Variants in ARHGAP10 observed in about 807,000 individuals in gnomAD.
ARHGAP10 encodes rho GTPase-activating protein 10.
A neutral mutation model predicts 108.6 loss-of-function variants in ARHGAP10; 87 were observed. The observed-to-expected ratio is 0.80, with a 90% CI of 0.67 to 0.96. The LOEUF (loss-of-function observed/expected upper bound fraction) is 0.96. ARHGAP10 is among the 40% of genes least tolerant of loss of function. The pLI is 0.00. For synonymous variants in ARHGAP10, 347 were observed against 341.1 expected (o/e 1.02, Z -0.19); for missense variants, 939 against 954.5 (o/e 0.98, Z 0.21).
intron 1 of ARHGAP10, among the ~76,000 whole-genome samples, chr4:147,741,012 A>G (rs1728633440): frequency 6.6e-6 from 1 of 152,168 alleles, no homozygotes; most frequent in Admixed American, 6.5e-5. Context: ...TAATGGTTTC[A>G]TCCTATACTT....
chr4:147,833,271 T>C (rs568604346), intron 3 of ARHGAP10, among the ~76,000 whole-genome samples: 1 of 152,274 alleles, frequency 6.6e-6, no homozygotes, highest in East Asian at 1.9e-4. Flanking sequence ...ATAGGGCCAG[T>C]TTTCCCCATG....
intron 20 of ARHGAP10, among the ~76,000 whole-genome samples, chr4:148,051,881 C>T (rs1025809279): frequency 2.6e-5 from 4 of 152,152 alleles, no homozygotes; most frequent in Admixed American, 2.6e-4. Flanking sequence ...CATTTTTATT[C>T]TCGTCAATGC....
chr4:148,043,680 G>T, intron 19 of ARHGAP10, among the ~76,000 whole-genome samples: 1 of 107,522 alleles, frequency 9.3e-6, no homozygotes, highest in Admixed American at 1.1e-4. Context: ...AGATATGTAA[G>T]TATATAGGAA....
intron 13 of ARHGAP10, among the ~76,000 whole-genome samples, chr4:147,924,569 C>T (rs1282560993): frequency 6.6e-6 from 1 of 152,132 alleles, no homozygotes; most frequent in African/African-American, 2.4e-5. Context: ...GTTTTTAGAA[C>T]AGAAGAAACT....
chr4:148,038,330 A>G (rs569352972), intron 19 of ARHGAP10, among the ~76,000 whole-genome samples: 2 of 152,302 alleles, frequency 1.3e-5, no homozygotes, highest in East Asian at 1.9e-4. Context: ...GGACATGACT[A>G]TCTCATGCTT....
chr4:148,012,924 G>T (rs1434110529), intron 18 of ARHGAP10, among the ~76,000 whole-genome samples: 27 of 138,948 alleles, frequency 1.9e-4, no homozygotes, highest in East Asian at 1.0e-3. Context: ...TATCTGTCTG[G>T]TTTTTTTTTT....
intron 13 of ARHGAP10, chr4:147,916,751 A>G (rs1234191489): frequency 6.6e-6 from 1 of 152,250 alleles, no homozygotes; most frequent in Non-Finnish European, 1.5e-5. Context: ...TCTACATGGT[A>G]TAGCTGCGGG....
rs116643026 is a variant in ARHGAP10 at position 148,010,110 on chromosome 4, T to A, written c.1717-13153T>A. Among the ~76,000 whole-genome samples the A allele has an allele frequency of 2.7e-3, 407 of 152,328 alleles. 1 individual carries two copies. The highest frequency in any genetic ancestry group is 9.4e-3 in the African/African-American group (392 of 41,562). ...TATGTTTTCCATTCCCCTCCACTTTTTTTTTGTCATGAGGTTGGAGGGAGA... is the reference window on the plus strand; with the variant it reads ...TATGTTTTCCATTCCCCTCCACTTTATTTTTGTCATGAGGTTGGAGGGAGA... On this transcript the variant is annotated intron_variant, in intron 18 of 22. Coordinates refer to ENST00000336498, the MANE Select transcript of ARHGAP10 (RefSeq NM_024605.4).
intron 3 of ARHGAP10, among the ~76,000 whole-genome samples, chr4:147,827,520 T>C (rs1190721775): frequency 6.6e-6 from 1 of 152,184 alleles, no homozygotes; most frequent in Non-Finnish European, 1.5e-5. Flanking sequence ...CTAGAGTTTG[T>C]GGGGTGGAGA....
chr4:147,896,572 C>A (rs1273198397), intron 10 of ARHGAP10, among the ~76,000 whole-genome samples: 1 of 151,894 alleles, frequency 6.6e-6, no homozygotes, highest in Non-Finnish European at 1.5e-5. Context: ...CTTGATAAGT[C>A]TTGCCTAGAG....
intron 1 of ARHGAP10, among the ~76,000 whole-genome samples, chr4:147,798,521 G>T (rs1731408171): frequency 6.6e-6 from 1 of 151,260 alleles, no homozygotes; most frequent in Non-Finnish European, 1.5e-5. Flanking sequence ...GACCAGCCTG[G>T]CCAACATGAT....
chr4:147,786,211 T>C (rs1730883157), intron 1 of ARHGAP10, among the ~76,000 whole-genome samples: 1 of 152,180 alleles, frequency 6.6e-6, no homozygotes, highest in Non-Finnish European at 1.5e-5. Flanking sequence ...CTGGAGAGCC[T>C]GGAAGCCTCT....
At chr4:147,736,642 G>T (rs756475835) in intron 1 of ARHGAP10, among the ~76,000 whole-genome samples, 23 of 152,280 alleles carry the variant, frequency 1.5e-4, no homozygotes, top group South Asian at 6.2e-4. Flanking sequence ...TCAAGTGTCT[G>T]CATCCTTTTC....
chr4:147,757,211 T>TG (rs1729411351), intron 1 of ARHGAP10, among the ~76,000 whole-genome samples: 1 of 149,996 alleles, frequency 6.7e-6, no homozygotes, highest in African/African-American at 2.5e-5. Flanking sequence ...TTTTTTTTTT[T>TG]TGAGACAGAG....
intron 8 of ARHGAP10, among the ~76,000 whole-genome samples, chr4:147,876,590 C>G (rs778332284): frequency 6.6e-6 from 1 of 151,842 alleles, no homozygotes; most frequent in African/African-American, 2.4e-5. Flanking sequence ...AAGACTCTGT[C>G]TCAAAAAAAG....
intron 10 of ARHGAP10, among the ~76,000 whole-genome samples, chr4:147,904,543 C>A (rs1309586937): frequency 6.6e-6 from 1 of 152,136 alleles, no homozygotes; most frequent in Admixed American, 6.5e-5. Flanking sequence ...TCATCCATGT[C>A]CCTACAAGGA....
chr4:147,990,738 CA>C (rs1419081391), intron 18 of ARHGAP10, among the ~76,000 whole-genome samples: 2 of 152,016 alleles, frequency 1.3e-5, no homozygotes, highest in Non-Finnish European at 2.9e-5. Flanking sequence ...CATAGGGACA[CA>C]AAAAGGGAAC....
chr4:147,820,783 G>A (rs1030736844), intron 1 of ARHGAP10, among the ~76,000 whole-genome samples: 2 of 151,708 alleles, frequency 1.3e-5, no homozygotes, highest in African/African-American at 4.8e-5. Context: ...TAGAGATAGG[G>A]TTTCACCATG....
intron 14 of ARHGAP10, among the ~76,000 whole-genome samples, chr4:147,943,881 G>C (rs1262054197): frequency 2.6e-5 from 4 of 152,198 alleles, no homozygotes; most frequent in African/African-American, 9.6e-5. Flanking sequence ...TAGTAACATA[G>C]ACACTGTGTA....
Sources: allele counts gnomAD v4.1 joint callset (sites outside exome capture counted in the v4.1 genomes callset), GRCh38; gene constraint gnomAD v4.1.1; transcripts MANE v1.5; gene names NCBI Gene and HGNC (gene_info 2026-07-23, HGNC 2026-07-21).